Variants in RAD51B observed in about 807,000 individuals in gnomAD.
RAD51B encodes RAD51 paralog B.
Under a neutral mutation model 42.2 loss-of-function variants are expected in RAD51B, and 38 were observed. That is an observed-to-expected ratio of 0.90 (90% CI 0.70 to 1.18). The LOEUF (loss-of-function observed/expected upper bound fraction) is 1.18. RAD51B is among the 50% of genes most tolerant of loss of function. The pLI is 0.00. For synonymous variants in RAD51B, 154 were observed against 145.2 expected, an observed-to-expected ratio of 1.06 and a Z score of -0.43; for missense variants, 373 against 400.7, an observed-to-expected ratio of 0.93 and a Z score of 0.59.
chr14:67,975,609 G>A (rs1194665173), intron 7 of RAD51B, among the ~76,000 whole-genome samples: 2 of 152,174 alleles, frequency 1.3e-5, no homozygotes, highest in African/African-American at 2.4e-5. Context: ...TTGCAGCCAC[G>A]TGCTGGAAGA....
chr14:67,834,742 A>G (rs1445583927), intron 3 of RAD51B, among the ~76,000 whole-genome samples: 1 of 152,152 alleles, frequency 6.6e-6, no homozygotes. Flanking sequence ...GCATCCAGCA[A>G]TTCCATTAAG....
chr14:68,643,908 G>A (rs1450269502), intron 10 of RAD51B, among the ~76,000 whole-genome samples: 1 of 152,178 alleles, frequency 6.6e-6, no homozygotes, highest in Admixed American at 6.5e-5. Flanking sequence ...GATGGGAGAA[G>A]GCACTGGAAC....
chr14:68,512,167 T>C (rs1252049194), intron 10 of RAD51B, among the ~76,000 whole-genome samples: 1 of 152,218 alleles, frequency 6.6e-6, no homozygotes, highest in Admixed American at 6.5e-5. Flanking sequence ...GTGACTTGCC[T>C]AGGCTGCCCC....
chr14:67,970,158 G>GATGTTTTGTGAAATAATA (rs2074868392), intron 7 of RAD51B, among the ~76,000 whole-genome samples: 1 of 152,062 alleles, frequency 6.6e-6, no homozygotes, highest in South Asian at 2.1e-4. Flanking sequence ...CTTACCCAGG[G>GATGTTTTGTGAAATAATA]ATGTTTTGTG....
rs149495095 is a variant in RAD51B, at chr14:68,100,486, T to G, written c.757-191398T>G. On this transcript the variant is annotated intron_variant, in intron 7 of 10. Transcript: ENST00000471583. ...GAGCCACTGCACGTGGCCCAAAGTC[T>G]GTAATTTTTTTCAGTAAAGATTGAT... Among the ~76,000 whole-genome samples the G allele has an allele frequency of 4.1e-3, 626 of 152,280 alleles. 1 individual carries two copies. The highest frequency in any genetic ancestry group is 0.017 in the Middle Eastern group (5 of 294).
At chr14:68,256,152 G>T (rs562127526) in intron 7 of RAD51B, among the ~76,000 whole-genome samples, 1 of 152,172 alleles carries the variant, frequency 6.6e-6, no homozygotes, top group Non-Finnish European at 1.5e-5. Context: ...TTGACAAAGG[G>T]ATACAGATTT....
At chr14:68,520,476 A>G (rs368665449) in intron 10 of RAD51B, among the ~76,000 whole-genome samples, 2 of 152,352 alleles carry the variant, frequency 1.3e-5, no homozygotes, top group South Asian at 2.1e-4. Context: ...TGCTAAGTTC[A>G]TGATCATGTG....
At chr14:68,632,950 TTTTTTC>T (rs1443219950) in intron 10 of RAD51B, among the ~76,000 whole-genome samples, 4 of 148,442 alleles carry the variant, frequency 2.7e-5, no homozygotes, top group Admixed American at 6.8e-5. Flanking sequence ...TAATTTTTTC[TTTTTTC>T]TTTTTCTTTT....
chr14:68,492,140 C>T (rs143183648), intron 10 of RAD51B, among the ~76,000 whole-genome samples: 83 of 152,316 alleles, frequency 5.4e-4, no homozygotes, highest in African/African-American at 1.9e-3. Flanking sequence ...CTCCTTTCCT[C>T]ACATAATGGA....
chr14:67,876,224 A>G (rs1188248929), intron 5 of RAD51B, among the ~76,000 whole-genome samples: 1 of 152,244 alleles, frequency 6.6e-6, no homozygotes, highest in Non-Finnish European at 1.5e-5. Flanking sequence ...GTACGTATGT[A>G]CAAGAAGCTT....
chr14:68,309,867 G>C (rs547878089), intron 8 of RAD51B, among the ~76,000 whole-genome samples: 1 of 152,232 alleles, frequency 6.6e-6, no homozygotes, highest in East Asian at 1.9e-4. Flanking sequence ...GAATAATCAT[G>C]GGGAAGTGGT....
At chr14:68,000,071 C>T (rs2075452977) in intron 7 of RAD51B, among the ~76,000 whole-genome samples, 1 of 152,034 alleles carries the variant, frequency 6.6e-6, no homozygotes, top group Non-Finnish European at 1.5e-5. Context: ...AAAGAACAAA[C>T]AGAAAGTCTA....
Position 68,679,146 on chromosome 14 carries a change from T to TG in RAD51B, c.*11+28293dup, listed in dbSNP as rs533783556. Among the ~76,000 whole-genome samples, 398 of 152,302 alleles carry TG rather than the reference T, an allele frequency of 2.6e-3. 4 individuals carry two copies. The highest frequency in any genetic ancestry group is 9.2e-3 in the African/African-American group (384 of 41,554). ...AAATGTAAGTAATGTAAGTACACGGTGGGAGGTGCAAAGGCTTCCCGAGCA... is the reference window on the plus strand; with the variant it reads ...AAATGTAAGTAATGTAAGTACACGGTGGGGAGGTGCAAAGGCTTCCCGAGCA... On this transcript the variant is annotated intron_variant, in intron 11 of 11. Transcript: ENST00000488612.
intron 7 of RAD51B, among the ~76,000 whole-genome samples, chr14:68,073,980 G>C (rs972523805): frequency 2.0e-5 from 3 of 152,142 alleles, no homozygotes; most frequent in Non-Finnish European, 2.9e-5. Flanking sequence ...ATTGATGTTG[G>C]AGGATTTGAC....
intron 8 of RAD51B, among the ~76,000 whole-genome samples, chr14:68,324,646 G>T (rs1301543383): frequency 6.6e-6 from 1 of 152,264 alleles, no homozygotes; most frequent in Non-Finnish European, 1.5e-5. Context: ...GTATATTAAT[G>T]TTGAATATAA....
chr14:68,215,383 G>A (rs1195276782), intron 7 of RAD51B, among the ~76,000 whole-genome samples: 2 of 152,146 alleles, frequency 1.3e-5, no homozygotes, highest in African/African-American at 4.8e-5. Flanking sequence ...AGATATTATT[G>A]TACCCATTTC....
intron 7 of RAD51B, among the ~76,000 whole-genome samples, chr14:67,915,589 C>T (rs561518135): frequency 2.0e-5 from 3 of 152,314 alleles, no homozygotes; most frequent in South Asian, 4.1e-4. Context: ...AGCTTTATTC[C>T]TGCCTGCTAG....
intron 11 of RAD51B, among the ~76,000 whole-genome samples, chr14:68,654,945 C>A (rs1350210397): frequency 6.6e-6 from 1 of 152,168 alleles, no homozygotes; most frequent in African/African-American, 2.4e-5. Context: ...GCTCCCTCCC[C>A]CCCTGCCTTC....
chr14:68,362,930 T>C (rs767634204), intron 8 of RAD51B, among the ~76,000 whole-genome samples: 6 of 152,106 alleles, frequency 3.9e-5, no homozygotes, highest in Non-Finnish European at 8.8e-5. Flanking sequence ...TGAATGAGTG[T>C]GTTTGTGAAA....
Sources: gnomAD v4.1 joint callset for allele counts (sites outside exome capture counted in the v4.1 genomes callset) on GRCh38, gnomAD v4.1.1 for gene constraint, MANE v1.5 for transcripts, NCBI Gene and HGNC (gene_info 2026-07-23, HGNC 2026-07-21) for gene names.